SULT1A2: variants seen among roughly 807,000 people sequenced by gnomAD.
SULT1A2 encodes sulfotransferase family 1A member 2, also known as sulfotransferase 1A2.
SULT1A2 carries 33 observed loss-of-function variants against 36.0 expected under a neutral mutation model. The observed-to-expected ratio is 0.92, with a 90% confidence interval of 0.69 to 1.22. SULT1A2 has a LOEUF of 1.22. SULT1A2 is among the 50% of genes most tolerant of loss of function. The pLI, the probability that SULT1A2 is intolerant of heterozygous loss-of-function variation, is 0.00. For synonymous variants in SULT1A2, 138 were observed against 144.5 expected, an observed-to-expected ratio of 0.96 and a Z score of 0.32; for missense variants, 367 against 383.2, an observed-to-expected ratio of 0.96 and a Z score of 0.35.
chr16:28,595,113 C>A (rs1375203119), intron 4 of SULT1A2, among the ~76,000 whole-genome samples: 1 of 151,940 alleles, frequency 6.6e-6, no homozygotes, highest in Non-Finnish European at 1.5e-5. Flanking sequence ...TTTTTTGAGA[C>A]AGTGTTTCTC....
At chr16:28,593,113 T>C in intron 6 of SULT1A2, 139 bp downstream of exon 6, 1 of 1,306,748 alleles carries the variant, frequency 7.7e-7, no homozygotes, top group South Asian at 1.4e-5. Flanking sequence ...CAGTGGGGCC[T>C]GGGCCAGGGA....
At position 28,595,945 on chromosome 16, in the gene SULT1A2, G is replaced by C. The variant is rs1478239470; in HGVS notation, c.-4-11C>G. 2 of 1,602,876 alleles carry C rather than the reference G, an allele frequency of 1.2e-6. No individual in the cohort carries two copies. Among genetic ancestry groups the C allele is most frequent in the African/African-American group, 1.3e-5 (1 of 74,694 alleles). ...ATCAGCTCCATGTTCCTGCGTCAGG[G>C]GCCAGAGCCAGGCCCGTTCCCTTAC... On this transcript the variant is annotated splice_polypyrimidine_tract_variant and intron_variant, in intron 1 of 7. Transcript: ENST00000335715.
At chr16:28,596,530 A>G in intron 1 of SULT1A2, 1 of 416,090 alleles carries the variant, frequency 2.4e-6, no homozygotes, top group South Asian at 3.0e-5. Context: ...CTGATGTGGG[A>G]ATGAGCAAAA....
At chr16:28,593,691 G>A (rs747428187) in intron 4 of SULT1A2, 123 bp from the exon 5 acceptor site, 74 of 1,535,866 alleles carry the variant, frequency 4.8e-5, no homozygotes, top group South Asian at 6.4e-5. Flanking sequence ...GAGATCTCAC[G>A]GCACAGGTAG....
rs149882658 is a variant in SULT1A2, at chr16:28,593,552, C to T, written c.389G>A (p.Arg130His). The T allele has an allele frequency of 5.9e-5, 95 of 1,614,028 alleles. No homozygotes were observed. In the Middle Eastern group the frequency reaches 2.0e-3, roughly 34 times the overall value. The change falls in exon 5 of 8, where the codon CGC becomes CAC. Residue 130 changes from arginine (R) to histidine (H), a missense_variant. Transcript: ENST00000335715. ...GGAAACCGCCACATCCTTTGCGTTG[C>T]GGGCAACATAGACCACCTGCAGGGG... ...DQKVKVVYVA[R>H]NAKDVAVSYY...
Position 28,595,821 on chromosome 16 carries a change from C to CG in SULT1A2, c.109dup (p.Arg37ProfsTer3). The stretch of plus-strand genomic sequence containing the variant: ...GGTGCTGATGAGCAGGTCATCAGGC[C>CG]GGGCCTGGAAGCTCTGCAGGGGCCC... On this transcript the variant is annotated frameshift_variant, in exon 2 of 8. Transcript: ENST00000335715. LOFTEE classifies it high-confidence loss of function. 1 of 1,612,188 alleles carries CG rather than the reference C, an allele frequency of 6.2e-7. No individual in the cohort carries two copies. The highest frequency in any genetic ancestry group is 1.1e-5 in the South Asian group (1 of 90,972).
chr16:28,593,315 T>C lies in SULT1A2; in HGVS notation c.531A>G (p.Gln177=), dbSNP rs34245479. 46 of 1,614,156 alleles carry C rather than the reference T, an allele frequency of 2.8e-5. No homozygotes were observed. The highest frequency in any genetic ancestry group is 3.5e-5 in the Non-Finnish European group (41 of 1,180,002). ...VSYGSWYQHV[Q]EWWELSRTHP... ...GGGTGCGGCTCAGCTCCCACCACTCTTGCACGTGCTGGTACCAGGACCCAT... is the reference window on the plus strand; with the variant it reads ...GGGTGCGGCTCAGCTCCCACCACTCCTGCACGTGCTGGTACCAGGACCCAT... The change falls in exon 6 of 8, where the codon CAA becomes CAG. Residue 177 remains glutamine (Q), a synonymous_variant. Transcript: ENST00000335715.
chr16:28,594,113 G>GT (rs2047031644), intron 4 of SULT1A2, among the ~76,000 whole-genome samples: 3 of 149,404 alleles, frequency 2.0e-5, no homozygotes, highest in African/African-American at 4.9e-5. Flanking sequence ...TTTTTGGGGG[G>GT]GGGGACTCTA....
At chr16:28,596,801 C>T (rs1596615706) in intron 1 of SULT1A2, 196 bp downstream of exon 1, 1 of 327,536 alleles carries the variant, frequency 3.1e-6, no homozygotes, top group African/African-American at 2.3e-5. Context: ...AGCACTCCAG[C>T]CTCGGTGACA....
intron 1 of SULT1A2, chr16:28,596,647 T>C (rs966297934): frequency 3.8e-5 from 8 of 211,110 alleles, no homozygotes; most frequent in South Asian, 1.2e-4. Flanking sequence ...CTGGGCAGCA[T>C]TGGAAGACCC....
At position 28,595,591 on chromosome 16, in the gene SULT1A2, C is replaced by T. The variant is rs368550217; in HGVS notation, c.233G>A (p.Arg78Gln). Residue 78 changes from arginine (R) to glutamine (Q), a missense_variant, in exon 3 of 8, where the codon CGG becomes CAG. By Grantham distance (43) the Arg-to-Gln change is conservative (BLOSUM62 1). Transcript: ENST00000335715. ...GACTTTGAACTCAAGGAAGGGCACC[C>T]GCATGAAGATGGGAGCTCGGTGACA... is the stretch of plus-strand genomic sequence containing the variant. Reference protein sequence around the residue: ...EKCHRAPIFMRVPFLEFKVPG... With the variant: ...EKCHRAPIFMQVPFLEFKVPG... 4.2e-5 allele frequency: 68 copies of T among 1,614,048 alleles called. No homozygotes were observed. The highest frequency in any genetic ancestry group is 2.9e-4 in the South Asian group (26 of 91,088).
intron 1 of SULT1A2, 34 bp from the exon 2 acceptor site, chr16:28,595,968 T>C: frequency 6.2e-6 from 10 of 1,600,342 alleles, no homozygotes; most frequent in Non-Finnish European, 8.5e-6. Flanking sequence ...CCCGTTCCCT[T>C]ACCACCATCA....
Position 28,593,296 on chromosome 16 carries a change from G to A in SULT1A2, c.550C>T (p.Arg184Cys), listed in dbSNP as rs146100761. 1.1e-5 allele frequency: 17 copies of A among 1,613,970 alleles called. No homozygotes were observed. Among genetic ancestry groups the A allele is most frequent in the Admixed American group, 3.3e-5 (2 of 60,000 alleles). Residue 184 changes from arginine to cysteine, a missense_variant, in exon 6 of 8, where the codon CGC becomes TGC. Transcript: ENST00000335715. ...AAGAGGTAGAGAACAGGGTGGGTGC[G>A]GCTCAGCTCCCACCACTCTTGCACG... Reference protein sequence around the residue: ...QHVQEWWELSRTHPVLYLFYE... With the variant: ...QHVQEWWELSCTHPVLYLFYE...
At chr16:28,596,279 A>C in intron 1 of SULT1A2, 1 of 1,243,678 alleles carries the variant, frequency 8.0e-7, no homozygotes, top group East Asian at 4.6e-5. Context: ...AACCTCTAGG[A>C]CCTTCCTGTG....
chr16:28,596,361 C>T (rs1459042006), intron 1 of SULT1A2: 14 of 1,126,622 alleles, frequency 1.2e-5, no homozygotes, highest in Middle Eastern at 4.1e-4. Flanking sequence ...ACCCAGTAGG[C>T]TCCTCTCCCC....
At chr16:28,592,169 G>A (rs1215801653) in intron 7 of SULT1A2, 29 bp from the exon 8 acceptor site, 1 of 1,612,706 alleles carries the variant, frequency 6.2e-7, no homozygotes, top group African/African-American at 1.3e-5. Flanking sequence ...GAGCAAAGCT[G>A]GAGTCTCATC....
Position 28,595,592 on chromosome 16 carries a change from G to T in SULT1A2, c.232C>A (p.Arg78=), listed in dbSNP as rs370207297. 13 of 1,614,198 alleles carry T rather than the reference G, an allele frequency of 8.1e-6. No individual in the cohort carries two copies. The highest frequency in any genetic ancestry group is 1.1e-5 in the Non-Finnish European group (13 of 1,180,024). ...ACTTTGAACTCAAGGAAGGGCACCCGCATGAAGATGGGAGCTCGGTGACAC... is the reference window on the plus strand; with the variant it reads ...ACTTTGAACTCAAGGAAGGGCACCCTCATGAAGATGGGAGCTCGGTGACAC... ...EKCHRAPIFM[R]VPFLEFKVPG... is the part of the protein sequence containing the mutation. The change falls in exon 3 of 8, where the codon CGG becomes AGG. Residue 78 remains arginine (R), a synonymous_variant. Transcript: ENST00000335715.
chr16:28,593,369 C>T (rs1253911845), intron 5 of SULT1A2, 23 bp from the exon 6 acceptor site: 1 of 1,614,164 alleles, frequency 6.2e-7, no homozygotes, highest in Non-Finnish European at 8.5e-7. Flanking sequence ...GCAGGGAGTG[C>T]CGACACAGGG....
chr16:28,592,414 C>T lies in SULT1A2; in HGVS notation c.624G>A (p.Leu208=). 1 of 1,614,136 alleles carries T rather than the reference C, an allele frequency of 6.2e-7. No individual in the cohort carries two copies. Among genetic ancestry groups the T allele is most frequent in the Non-Finnish European group, 8.5e-7 (1 of 1,180,018 alleles). ...ENPKREIQKI[L]EFVGRSLPEE... is the part of the protein sequence containing the mutation. ...CTGGCAGGGAGCGCCCCACAAACTC[C>T]AGGATCTTTTGAATCTCCCTTTTGG... The change falls in exon 7 of 8, where the codon CTG becomes CTA. Residue 208 remains leucine (L), a synonymous_variant. Transcript: ENST00000335715.
Sources: gnomAD v4.1 joint callset for allele counts (sites outside exome capture counted in the v4.1 genomes callset) on GRCh38, gnomAD v4.1.1 for gene constraint, MANE v1.5 for transcripts, NCBI Gene and HGNC (gene_info 2026-07-23, HGNC 2026-07-21) for gene names.